The following LRP12 variants were observed in gnomAD, a reference collection of about 807,000 sequenced individuals.
LRP12 encodes the protein LDL receptor related protein 12.
A neutral mutation model predicts 66.0 loss-of-function variants in LRP12; 14 were observed. The ratio of observed to expected loss-of-function variants is 0.21; its 90% CI spans 0.14 to 0.33. The LOEUF (loss-of-function observed/expected upper bound fraction) is 0.33. Among genes scored for constraint, LRP12 ranks in the 10% least tolerant of loss-of-function variants. The pLI is 1.00. For missense variants in LRP12, 889 were observed against 1,053.4 expected (o/e 0.84, Z 2.16); for synonymous variants, 357 against 359.1 (o/e 0.99, Z 0.07).
In LRP12 at chr8:104,556,889, A is replaced by AT. The variant is rs568626691; in HGVS notation, c.80-24927dup. On this transcript the variant is annotated intron_variant, in intron 1 of 6. Coordinates refer to ENST00000276654, the MANE Select transcript of LRP12 (RefSeq NM_013437.5). ...ACAAAATACCAGCTAACCAAATCCA[A>AT]TAGCATATAAAAAGATAACCCACCA... is the stretch of plus-strand genomic sequence containing the variant. Among the ~76,000 whole-genome samples the AT allele has an allele frequency of 5.3e-5, 8 of 152,340 alleles. No individual in the cohort carries two copies. The South Asian group carries it at 1.7e-3, about 32-fold the overall frequency.
intron 2 of LRP12, among the ~76,000 whole-genome samples, chr8:104,518,571 C>T (rs1474740874): frequency 6.6e-6 from 1 of 151,996 alleles, no homozygotes; most frequent in Non-Finnish European, 1.5e-5. Context: ...CCTACATTAA[C>T]ATGGATAGAA....
intron 1 of LRP12, among the ~76,000 whole-genome samples, chr8:104,547,735 A>C (rs1293054651): frequency 8.0e-6 from 1 of 124,966 alleles, no homozygotes; most frequent in East Asian, 2.2e-4. Context: ...TATTTTGTAT[A>C]TAATATATAA....
intron 1 of LRP12, among the ~76,000 whole-genome samples, chr8:104,546,807 C>T (rs1386777498): frequency 2.0e-5 from 3 of 150,384 alleles, no homozygotes; most frequent in Admixed American, 6.7e-5. Flanking sequence ...TGCCCAGTGC[C>T]CACTACCTTC....
chr8:104,586,348 T>A (rs1452948894), intron 1 of LRP12, among the ~76,000 whole-genome samples: 1 of 152,198 alleles, frequency 6.6e-6, no homozygotes, highest in Non-Finnish European at 1.5e-5. Context: ...GAAGCACACC[T>A]TAGAGTCATT....
intron 1 of LRP12, among the ~76,000 whole-genome samples, chr8:104,533,354 A>G (rs1334136899): frequency 1.3e-5 from 2 of 152,118 alleles, no homozygotes; most frequent in Admixed American, 1.3e-4. Flanking sequence ...AACTGATTCA[A>G]TAAAACACCT....
intron 2 of LRP12, among the ~76,000 whole-genome samples, chr8:104,521,625 A>ATATC (rs1811153051): frequency 6.6e-6 from 1 of 151,492 alleles, no homozygotes; most frequent in African/African-American, 2.4e-5. Context: ...ATATATATAT[A>ATATC]TCAAGAATTT....
chr8:104,586,059 G>T (rs574752307), intron 1 of LRP12, among the ~76,000 whole-genome samples: 28 of 152,356 alleles, frequency 1.8e-4, no homozygotes, highest in African/African-American at 6.7e-4. Context: ...AAAGGTGGCA[G>T]AGGTCAACCT....
At chr8:104,533,147 G>A (rs1170473092) in intron 1 of LRP12, among the ~76,000 whole-genome samples, 1 of 152,034 alleles carries the variant, frequency 6.6e-6, no homozygotes, top group East Asian at 1.9e-4. Flanking sequence ...TGAGATAGGT[G>A]GGAAGGCCAT....
intron 2 of LRP12, among the ~76,000 whole-genome samples, chr8:104,528,376 T>C (rs1249513656): frequency 6.6e-6 from 1 of 152,140 alleles, no homozygotes; most frequent in Non-Finnish European, 1.5e-5. Flanking sequence ...CCTCTCTATT[T>C]AGACCAGCAC....
chr8:104,564,934 G>GA lies in LRP12; in HGVS notation c.79+23884dup, dbSNP rs34125830. On this transcript the variant is annotated intron_variant, in intron 1 of 6. Coordinates refer to ENST00000276654, the MANE Select transcript of LRP12 (RefSeq NM_013437.5). Reference sequence around the variant, plus strand: ...GGTAACAGAGTGAGACTCTGTCAAAGAAAAAAAAAAAATCATAAATAGACG... The same window carrying GA: ...GGTAACAGAGTGAGACTCTGTCAAAGAAAAAAAAAAAAATCATAAATAGACG... Among the ~76,000 whole-genome samples the GA allele has an allele frequency of 5.4e-3, 710 of 130,536 alleles. 3 individuals carry two copies. The highest frequency in any genetic ancestry group is 0.017 in the African/African-American group (630 of 37,770). The allele number at this position is 130,536 out of a possible 152,430, so 85.6% of individuals were successfully genotyped here. A position where few individuals can be genotyped will look rare whatever the true frequency, so the allele number is the denominator to read the frequency against.
chr8:104,496,537 T>A (rs1229763785), intron 5 of LRP12, among the ~76,000 whole-genome samples: 5 of 152,224 alleles, frequency 3.3e-5, no homozygotes, highest in Non-Finnish European at 7.3e-5. Context: ...TGTCATCTTA[T>A]TCCATGCCCC....
chr8:104,538,987 CAGA>C (rs1811427415), intron 1 of LRP12, among the ~76,000 whole-genome samples: 1 of 152,224 alleles, frequency 6.6e-6, no homozygotes, highest in East Asian at 1.9e-4. Flanking sequence ...AATCATATTA[CAGA>C]AGAATACTCA....
At position 104,491,168 on chromosome 8, in the gene LRP12, G is replaced by A; in HGVS notation, c.2085C>T (p.Ser695=). 6.2e-7 allele frequency: 1 copy of A among 1,614,084 alleles called. No individual in the cohort carries two copies. Among genetic ancestry groups the A allele is most frequent in the Non-Finnish European group, 8.5e-7 (1 of 1,180,022 alleles). ...GACCACCTCGGGTACTCTGAGTTGA[G>A]GAACTTGCACATGCTCCTACTGTCG... ...VEATVGACAS[S]STQSTRGGHA... Residue 695 remains serine (S), a synonymous_variant, in exon 7 of 7, where the codon TCC becomes TCT. Transcript: ENST00000276654.
chr8:104,581,610 G>A (rs977700783), intron 1 of LRP12, among the ~76,000 whole-genome samples: 2 of 152,050 alleles, frequency 1.3e-5, no homozygotes, highest in African/African-American at 4.8e-5. Flanking sequence ...CTGCTGTTGG[G>A]TTTTAAGCAA....
At chr8:104,533,663 G>A (rs1412379866) in intron 1 of LRP12, among the ~76,000 whole-genome samples, 4 of 151,970 alleles carry the variant, frequency 2.6e-5, no homozygotes, top group Non-Finnish European at 5.9e-5. Flanking sequence ...ATTATGCCCA[G>A]GAGAGTTTTA....
At chr8:104,550,216 AAAG>A in intron 1 of LRP12, among the ~76,000 whole-genome samples, 2 of 152,314 alleles carry the variant, frequency 1.3e-5, no homozygotes, top group African/African-American at 4.8e-5. Context: ...AAAAAGACTC[AAAG>A]AAGAGACTTG....
At position 104,509,092 on chromosome 8, in the gene LRP12, C is replaced by T; in HGVS notation, c.137-18G>A. On this transcript the variant is annotated intron_variant, in intron 2 of 6. Coordinates refer to ENST00000276654, the MANE Select transcript of LRP12 (RefSeq NM_013437.5). The stretch of plus-strand genomic sequence containing the variant: ...TCCACAAGCTGGAAGATAGCCAAAG[C>T]AATCTTTCCTTATTATTACACATTT... The T allele has an allele frequency of 6.2e-7, 1 of 1,608,766 alleles. No individual in the cohort carries two copies. The highest frequency in any genetic ancestry group is 8.5e-7 in the Non-Finnish European group (1 of 1,177,402).
chr8:104,530,671 T>C (rs1811313414), intron 2 of LRP12, among the ~76,000 whole-genome samples: 1 of 152,176 alleles, frequency 6.6e-6, no homozygotes, highest in Admixed American at 6.6e-5. Context: ...TAATGGGTCC[T>C]GAGACCAAAA....
At chr8:104,502,711 T>A (rs1220394578) in intron 3 of LRP12, among the ~76,000 whole-genome samples, 3 of 152,176 alleles carry the variant, frequency 2.0e-5, no homozygotes, top group African/African-American at 7.2e-5. Context: ...CCTTCAAATA[T>A]CTTTTCCAAA....
Sources: gnomAD v4.1 joint callset for allele counts (sites outside exome capture counted in the v4.1 genomes callset) on GRCh38, gnomAD v4.1.1 for gene constraint, MANE v1.5 for transcripts, NCBI Gene and HGNC (gene_info 2026-07-23, HGNC 2026-07-21) for gene names.